DAB1: variants seen among roughly 807,000 people sequenced by gnomAD.
DAB1 encodes DAB adaptor protein 1.
DAB1 carries 15 observed loss-of-function variants against 64.6 expected under a neutral mutation model. The observed-to-expected ratio is 0.23, with a 90% CI of 0.16 to 0.36. The LOEUF is 0.36. Among genes scored for constraint, DAB1 ranks in the 10% least tolerant of loss-of-function variants. The pLI, the probability that DAB1 is intolerant of heterozygous loss-of-function variation, is 1.00. For missense variants in DAB1, 596 were observed against 706.7 expected (o/e 0.84, Z 1.78); for synonymous variants, 235 against 251.9 (o/e 0.93, Z 0.64).
At chr1:57,154,673 G>T (rs1660042190) in intron 2 of DAB1, among the ~76,000 whole-genome samples, 1 of 152,162 alleles carries the variant, frequency 6.6e-6, no homozygotes, top group Non-Finnish European at 1.5e-5. Flanking sequence ...GTGTACAAGG[G>T]TTTCCTTTTC....
intron 3 of DAB1, among the ~76,000 whole-genome samples, chr1:58,451,171 C>T (rs779480940): frequency 7.2e-5 from 11 of 152,190 alleles, no homozygotes; most frequent in Admixed American, 2.0e-4. Context: ...CTCACTGCAG[C>T]CTCAGCCTCC....
intron 7 of DAB1, among the ~76,000 whole-genome samples, chr1:57,614,467 T>A (rs1570675265): frequency 1.3e-5 from 2 of 152,342 alleles, no homozygotes; most frequent in East Asian, 3.9e-4. Context: ...ATAATACTGG[T>A]CCATGATGAA....
rs143556371 is a variant in DAB1 at position 58,188,957 on chromosome 1, C to A, written n.310-38369G>T. Reference sequence around the variant, plus strand: ...GTATTTATACACCACAGCCACTAATCAGGGTTTAATTAGCCTTATAATTAG... The same window carrying A: ...GTATTTATACACCACAGCCACTAATAAGGGTTTAATTAGCCTTATAATTAG... On this transcript the variant is annotated intron_variant and non_coding_transcript_variant, in intron 4 of 20. Coordinates refer to the DAB1 transcript ENST00000485760. Among the ~76,000 whole-genome samples, 963 of 152,306 alleles carry A rather than the reference C, an allele frequency of 6.3e-3. 7 individuals carry two copies. The highest frequency in any genetic ancestry group is 8.8e-3 in the Non-Finnish European group (599 of 68,024).
At position 57,650,141 on chromosome 1, in the gene DAB1, G is replaced by A. The variant is rs74541690; in HGVS notation, n.552-476C>T. Among the ~76,000 whole-genome samples the A allele has an allele frequency of 5.6e-3, 852 of 152,148 alleles. 9 individuals carry two copies. The highest frequency in any genetic ancestry group is 0.019 in the African/African-American group (786 of 41,516). On this transcript the variant is annotated intron_variant and non_coding_transcript_variant, in intron 6 of 20. Coordinates refer to the DAB1 transcript ENST00000485760. ...TCAGCTTCCGGATTCCTTCTTCTTC[G>A]TCTTCTTTTTTTTAGAGACAAGGTG...
intron 7 of DAB1, among the ~76,000 whole-genome samples, chr1:57,607,464 G>C (rs1645671103): frequency 6.6e-6 from 1 of 152,034 alleles, no homozygotes; most frequent in Non-Finnish European, 1.5e-5. Context: ...ATTTTTAAGA[G>C]TTATTGTCTA....
At chr1:58,130,232 G>C (rs1570393873) in intron 5 of DAB1, among the ~76,000 whole-genome samples, 1 of 145,180 alleles carries the variant, frequency 6.9e-6, no homozygotes, top group South Asian at 2.3e-4. Flanking sequence ...TGTCTCTTTT[G>C]ATCTTTGTTG....
At chr1:57,846,651 G>T (rs1314835481) in intron 1 of DAB1, among the ~76,000 whole-genome samples, 2 of 152,078 alleles carry the variant, frequency 1.3e-5, no homozygotes, top group East Asian at 1.9e-4. Flanking sequence ...TTGTACCAAT[G>T]AGAAAACTTT....
chr1:57,319,158 T>C (rs1675472876), intron 1 of DAB1, among the ~76,000 whole-genome samples: 1 of 152,146 alleles, frequency 6.6e-6, no homozygotes, highest in African/African-American at 2.4e-5. Context: ...TGCTGCTAAT[T>C]ACTAAACCGG....
At chr1:57,969,170 C>A (rs542153635) in intron 5 of DAB1, among the ~76,000 whole-genome samples, 1 of 152,050 alleles carries the variant, frequency 6.6e-6, no homozygotes, top group African/African-American at 2.4e-5. Context: ...CAGTGGGTAA[C>A]AAATCCTGTA....
At chr1:57,584,467 C>G (rs10493230) in intron 7 of DAB1, among the ~76,000 whole-genome samples, 1 of 152,022 alleles carries the variant, frequency 6.6e-6, no homozygotes, top group South Asian at 2.1e-4. Flanking sequence ...ATAGTGTGCT[C>G]CTTCCATAGC....
At chr1:57,384,665 T>G (rs1681658508) in intron 1 of DAB1, among the ~76,000 whole-genome samples, 3 of 152,296 alleles carry the variant, frequency 2.0e-5, no homozygotes, top group South Asian at 4.1e-4. Context: ...AATTCTACTT[T>G]TATGACGTAT....
intron 7 of DAB1, among the ~76,000 whole-genome samples, chr1:57,572,350 C>A (rs181543138): frequency 1.4e-4 from 21 of 152,302 alleles, no homozygotes; most frequent in South Asian, 8.3e-4. Context: ...ATTATCACAC[C>A]TTCTTCCTAG....
intron 2 of DAB1, among the ~76,000 whole-genome samples, chr1:57,149,329 C>T (rs974206889): frequency 6.6e-6 from 1 of 152,138 alleles, no homozygotes; most frequent in African/African-American, 2.4e-5. Flanking sequence ...ATTCAATTCT[C>T]TTAAAATTAT....
In DAB1 at chr1:58,129,189, A is replaced by G. The variant is rs1166249883; in HGVS notation, n.387+21322T>C. Among the ~76,000 whole-genome samples the G allele has an allele frequency of 1.6e-4, 24 of 150,692 alleles. 1 individual carries two copies. Among genetic ancestry groups the G allele is most frequent in the African/African-American group, 5.9e-4 (24 of 40,952 alleles). ...CTTCTTCCTGGTTTAGTCTTGGGAGACTGTATGTGTCCAGGAATTTATCCA... is the reference window on the plus strand; with the variant it reads ...CTTCTTCCTGGTTTAGTCTTGGGAGGCTGTATGTGTCCAGGAATTTATCCA... On this transcript the variant is annotated intron_variant and non_coding_transcript_variant, in intron 5 of 20. Coordinates refer to the DAB1 transcript ENST00000485760.
At chr1:58,436,709 T>C (rs942020417) in intron 3 of DAB1, among the ~76,000 whole-genome samples, 18 of 152,250 alleles carry the variant, frequency 1.2e-4, no homozygotes, top group Non-Finnish European at 2.5e-4. Context: ...AGAACGTTTG[T>C]ATCCAACTGC....
chr1:57,084,341 GA>G (rs912134167), intron 4 of DAB1, among the ~76,000 whole-genome samples: 1 of 152,140 alleles, frequency 6.6e-6, no homozygotes, highest in African/African-American at 2.4e-5. Context: ...GAAGCTAGGG[GA>G]CAGGCATGGA....
intron 4 of DAB1, among the ~76,000 whole-genome samples, chr1:58,307,303 T>A (rs920019931): frequency 2.6e-5 from 4 of 152,204 alleles, no homozygotes; most frequent in Non-Finnish European, 4.4e-5. Flanking sequence ...TGTTAGACAC[T>A]GAAAGCCTGA....
intron 7 of DAB1, among the ~76,000 whole-genome samples, chr1:57,436,488 T>G (rs1322106241): frequency 1.3e-5 from 2 of 152,216 alleles, no homozygotes; most frequent in African/African-American, 2.4e-5. Context: ...ACAACCCTTG[T>G]GGGCACTATT....
intron 2 of DAB1, among the ~76,000 whole-genome samples, chr1:58,526,255 T>G (rs1340133532): frequency 6.6e-6 from 1 of 152,120 alleles, no homozygotes; most frequent in Non-Finnish European, 1.5e-5. Context: ...CTTAATCACA[T>G]TTATTTAACA....
Sources: allele counts gnomAD v4.1 joint callset (sites outside exome capture counted in the v4.1 genomes callset), GRCh38; gene constraint gnomAD v4.1.1; transcripts MANE v1.5; gene names NCBI Gene and HGNC (gene_info 2026-07-23, HGNC 2026-07-21).